The following ACSM5 variants were observed in gnomAD, a reference collection of about 807,000 sequenced individuals.
ACSM5 encodes acyl-coenzyme A synthetase ACSM5, mitochondrial.
Under a neutral mutation model 71.6 loss-of-function variants are expected in ACSM5, and 56 were observed. That is an observed-to-expected ratio of 0.78 (90% CI 0.63 to 0.98). The LOEUF (loss-of-function observed/expected upper bound fraction) is 0.98, where lower values mean the gene tolerates loss of function less well. Ranked by LOEUF, ACSM5 falls within the 50% of genes least tolerant of loss-of-function variation. ACSM5 has a pLI of 0.00. For synonymous variants in ACSM5, 285 were observed against 281.5 expected (o/e 1.01, Z -0.12); for missense variants, 723 against 726.0 (o/e 1.00, Z 0.05).
chr16:20,420,956 A>C (rs1316407887), intron 4 of ACSM5: 1 of 193,074 alleles, frequency 5.2e-6, no homozygotes, highest in Non-Finnish European at 1.0e-5. Flanking sequence ...AAATGTGCAG[A>C]ATTATAGACA....
chr16:20,410,269 T>C (rs2141635796), intron 1 of ACSM5, among the ~76,000 whole-genome samples: 1 of 152,330 alleles, frequency 6.6e-6, no homozygotes, highest in South Asian at 2.1e-4. Context: ...AGGAATTTAA[T>C]GCAAGGAAAC....
intron 10 of ACSM5, among the ~76,000 whole-genome samples, chr16:20,436,660 A>G (rs1967206617): frequency 6.6e-6 from 1 of 152,102 alleles, no homozygotes; most frequent in South Asian, 2.1e-4. Flanking sequence ...ATGAGCCACC[A>G]CACCCGGCCT....
In ACSM5 at chr16:20,429,659, G is replaced by C. The variant is rs761477016; in HGVS notation, c.1002-19G>C. ...TGAAGATCCTGACATAGGTGGCCTT[G>C]TTTTCCTGTCTGAGAAAGGTACCAG... On this transcript the variant is annotated intron_variant, in intron 7 of 13. Transcript: ENST00000331849. The C allele has an allele frequency of 2.9e-5, 46 of 1,613,586 alleles. No homozygotes were observed. The highest frequency in any genetic ancestry group is 3.4e-5 in the Non-Finnish European group (40 of 1,179,798).
At chr16:20,439,634 G>A (rs1967274286) in intron 12 of ACSM5, among the ~76,000 whole-genome samples, 166 bp from the exon 13 acceptor site, 1 of 151,394 alleles carries the variant, frequency 6.6e-6, no homozygotes, top group Non-Finnish European at 1.5e-5. Flanking sequence ...GGAAGGGCCA[G>A]CAAAAGAAAA....
intron 12 of ACSM5, among the ~76,000 whole-genome samples, 197 bp from the exon 13 acceptor site, chr16:20,439,603 A>G (rs1225738158): frequency 4.6e-5 from 7 of 151,112 alleles, no homozygotes; most frequent in African/African-American, 1.5e-4. Flanking sequence ...AGAAAGGTCA[A>G]TCCTCCTAAT....
At chr16:20,414,922 T>G (rs1388992443) in intron 2 of ACSM5, among the ~76,000 whole-genome samples, 3 of 152,172 alleles carry the variant, frequency 2.0e-5, no homozygotes, top group Non-Finnish European at 4.4e-5. Flanking sequence ...AAGGCACAGA[T>G]GATAAAAACT....
intron 6 of ACSM5, among the ~76,000 whole-genome samples, chr16:20,424,991 T>A (rs2141651104): frequency 6.6e-6 from 1 of 152,350 alleles, no homozygotes; most frequent in South Asian, 2.1e-4. Flanking sequence ...TCTTTTGTGT[T>A]ACAATCTAAT....
chr16:20,410,163 G>A (rs1966844917), intron 1 of ACSM5, among the ~76,000 whole-genome samples: 2 of 152,300 alleles, frequency 1.3e-5, no homozygotes, highest in African/African-American at 4.8e-5. Flanking sequence ...GTACACAGTA[G>A]GCCTTCAATA....
chr16:20,431,686 C>T (rs552745079), intron 10 of ACSM5, among the ~76,000 whole-genome samples: 4 of 152,154 alleles, frequency 2.6e-5, no homozygotes, highest in African/African-American at 9.6e-5. Context: ...TGCAGTGGCT[C>T]ACATCTGTAA....
Position 20,432,776 on chromosome 16 carries a change from C to T in ACSM5, c.1308+1455C>T, listed in dbSNP as rs558069039. On this transcript the variant is annotated intron_variant, in intron 10 of 13. Transcript: ENST00000331849. ...GTAATTTGAAAAGTTATTTGCTAGA[C>T]AACAATCTAGTTTTTTTGACTGTTT... Among the ~76,000 whole-genome samples the T allele has an allele frequency of 4.1e-5, 6 of 144,892 alleles. No homozygotes were observed. The South Asian group carries it at 1.4e-3, about 33-fold the overall frequency.
rs375942136 is a variant in ACSM5 at position 20,421,299 on chromosome 16, G to A, written c.665G>A (p.Arg222Gln). The A allele has an allele frequency of 5.4e-5, 86 of 1,606,940 alleles. No individual in the cohort carries two copies. The highest frequency in any genetic ancestry group is 5.0e-4 in the Middle Eastern group (3 of 6,046). The change falls in exon 5 of 14, where the codon CGA becomes CAA. Residue 222 changes from arginine (R) to glutamine (Q), a missense_variant. Physicochemically the swap from Arg to Gln is conservative, Grantham distance 43. Transcript: ENST00000331849. ...TEHNCMRTKSRDPLAIYFTSG... is the reference protein window; with the variant it reads ...TEHNCMRTKSQDPLAIYFTSG... The stretch of plus-strand genomic sequence containing the variant: ...CACAACTGCATGAGGACAAAGAGTC[G>A]AGACCCGCTGGCCATCTACTTTACC...
At chr16:20,435,179 C>G (rs1294518289) in intron 10 of ACSM5, among the ~76,000 whole-genome samples, 1 of 152,016 alleles carries the variant, frequency 6.6e-6, no homozygotes, top group African/African-American at 2.4e-5. Flanking sequence ...ATTACAGGCG[C>G]CTGCCGCCAC....
At chr16:20,429,176 A>T (rs1052240502) in intron 7 of ACSM5, among the ~76,000 whole-genome samples, 1 of 151,962 alleles carries the variant, frequency 6.6e-6, no homozygotes. Context: ...ATACCCAGCT[A>T]ATTTTTAGTA....
intron 10 of ACSM5, among the ~76,000 whole-genome samples, chr16:20,436,344 T>C (rs1967200099): frequency 7.1e-6 from 1 of 139,890 alleles, no homozygotes; most frequent in Non-Finnish European, 1.5e-5. Context: ...AGTGGCACAA[T>C]CTTGCAATCT....
chr16:20,418,204 G>A lies in ACSM5; in HGVS notation c.350G>A (p.Arg117Lys). 1 of 1,612,786 alleles carries A rather than the reference G, an allele frequency of 6.2e-7. No homozygotes were observed. Among genetic ancestry groups the A allele is most frequent in the Non-Finnish European group, 8.5e-7 (1 of 1,179,858 alleles). The part of the protein sequence containing the change: ...GGACGLQPGD[R>K]MMLVLPRLPE... ...GCATGCGGCCTGCAGCCTGGGGACAGAATGATGCTGGTACTCCCACGGCTC... is the reference window on the plus strand; with the variant it reads ...GCATGCGGCCTGCAGCCTGGGGACAAAATGATGCTGGTACTCCCACGGCTC... Residue 117 changes from arginine to lysine, a missense_variant, in exon 3 of 14, where the codon AGA becomes AAA. By Grantham distance (26) the Arg-to-Lys change is conservative. Transcript: ENST00000331849.
intron 12 of ACSM5, among the ~76,000 whole-genome samples, chr16:20,437,626 G>A (rs1164791573): frequency 1.6e-5 from 2 of 127,918 alleles, no homozygotes; most frequent in African/African-American, 6.4e-5. Context: ...TGGGGCAGGA[G>A]ATCTTGGGGG....
intron 6 of ACSM5, among the ~76,000 whole-genome samples, chr16:20,424,927 A>G (rs1966948840): frequency 6.6e-6 from 1 of 152,248 alleles, no homozygotes; most frequent in Non-Finnish European, 1.5e-5. Context: ...TAGGCATGCA[A>G]TGCGTGAAAA....
Position 20,437,120 on chromosome 16 carries a change from G to T in ACSM5, c.1377G>T (p.Met459Ile). 6.2e-7 allele frequency: 1 copy of T among 1,614,162 alleles called. No homozygotes were observed. The highest frequency in any genetic ancestry group is 8.5e-7 in the Non-Finnish European group (1 of 1,180,018). The change falls in exon 11 of 14, where the codon ATG becomes ATT. Residue 459 changes from methionine (M) to isoleucine (I), a missense_variant. Physicochemically the swap from Met to Ile is conservative, Grantham distance 10. Transcript: ENST00000331849. ...DFYITGDRARMDKDGYFWFMG... is the reference protein window; with the variant it reads ...DFYITGDRARIDKDGYFWFMG... ...ACATCACAGGGGACCGAGCTCGCAT[G>T]GACAAGGATGGCTACTTTTGGTTCA... is the stretch of plus-strand genomic sequence containing the variant.
At position 20,418,135 on chromosome 16, in the gene ACSM5, A is replaced by T; in HGVS notation, c.281A>T (p.Glu94Val). Residue 94 changes from glutamate to valine, a missense_variant, in exon 3 of 14, where the codon GAG (glutamate) becomes GTG (valine). Glu to Val is a moderately radical substitution (Grantham distance 121). Coordinates refer to ENST00000331849, the MANE Select transcript of ACSM5 (RefSeq NM_017888.3). ...TGAEIKWSFE[E>V]LGKQSRKAAN... ...GCAGAGATCAAGTGGAGCTTTGAGG[A>T]GCTGGGGAAGCAGTCCAGGAAGGCA... The T allele has an allele frequency of 6.2e-7, 1 of 1,613,684 alleles. No homozygotes were observed. The highest frequency in any genetic ancestry group is 8.5e-7 in the Non-Finnish European group (1 of 1,179,928).
Sources: gnomAD v4.1 joint callset for allele counts (sites outside exome capture counted in the v4.1 genomes callset) on GRCh38, gnomAD v4.1.1 for gene constraint, MANE v1.5 for transcripts, NCBI Gene and HGNC (gene_info 2026-07-23, HGNC 2026-07-21) for gene names.